THNSL1: variants seen among roughly 807,000 people sequenced by gnomAD.
The protein encoded by THNSL1 is threonine synthase like 1, also known as threonine synthase-like 1.
THNSL1 carries 48 observed loss-of-function variants against 50.4 expected under a neutral mutation model. The ratio of observed to expected loss-of-function variants is 0.95; its 90% CI spans 0.76 to 1.21. The LOEUF is 1.21. THNSL1 is among the 50% of genes most tolerant of loss of function. The pLI, the probability that THNSL1 is intolerant of heterozygous loss-of-function variation, is 0.00. For missense variants in THNSL1, 896 were observed against 871.7 expected (o/e 1.03, Z -0.35); for synonymous variants, 309 against 306.1 (o/e 1.01, Z -0.10).
the THNSL1 span, among the ~76,000 whole-genome samples, chr10:24,959,827 A>G: frequency 6.6e-6 from 1 of 152,346 alleles, no homozygotes; most frequent in Admixed American, 6.5e-5. Context: ...CACTAAAAGG[A>G]CTAAATATTT....
chr10:25,000,509 G>A, the THNSL1 span, among the ~76,000 whole-genome samples: 1 of 152,070 alleles, frequency 6.6e-6, no homozygotes, highest in Non-Finnish European at 1.5e-5. Context: ...TAGGTGCATA[G>A]CATTTAGGAT....
the THNSL1 span, among the ~76,000 whole-genome samples, chr10:25,009,889 G>A: frequency 4.6e-5 from 7 of 152,266 alleles, no homozygotes; most frequent in Admixed American, 3.9e-4. Context: ...CCAGCCATGT[G>A]GAACTGCGAG....
At chr10:24,959,656 A>G in the THNSL1 span, among the ~76,000 whole-genome samples, 11 of 152,204 alleles carry the variant, frequency 7.2e-5, no homozygotes, top group South Asian at 2.1e-4. Context: ...TGCAAAATGC[A>G]ATGTAATGCA....
the THNSL1 span, among the ~76,000 whole-genome samples, chr10:24,987,212 A>C: frequency 3.3e-5 from 5 of 152,318 alleles, no homozygotes; most frequent in Admixed American, 3.3e-4. Flanking sequence ...CTGGATTCTG[A>C]CAACACTGCT....
rs888840091 is a variant in THNSL1 at position 25,016,698 on chromosome 10, G to C, written c.-216+6G>C. On this transcript the variant is annotated splice_donor_region_variant and intron_variant, in intron 1 of 2. Transcript: ENST00000376356. ...GACCGGGGAGCTAGCTGCAGGTACG[G>C]TGCTCCGTCTCCTGTGGAGGCTTTA... The C allele has an allele frequency of 2.0e-5, 3 of 152,392 alleles. No homozygotes were observed. The highest frequency in any genetic ancestry group is 7.2e-5 in the African/African-American group (3 of 41,478). The allele number at this position is 152,392 out of a possible 1,614,324, so 9.4% of individuals were successfully genotyped here. A position where few individuals can be genotyped will look rare whatever the true frequency, so the allele number is the denominator to read the frequency against.
At chr10:24,962,759 C>T in the THNSL1 span, among the ~76,000 whole-genome samples, 1 of 152,186 alleles carries the variant, frequency 6.6e-6, no homozygotes, top group African/African-American at 2.4e-5. Context: ...AGATTCTCTT[C>T]TGCGTCTTAG....
the THNSL1 span, among the ~76,000 whole-genome samples, chr10:24,991,654 T>C: frequency 1.3e-5 from 2 of 152,156 alleles, no homozygotes; most frequent in Admixed American, 1.3e-4. Context: ...GGCTCTCCCA[T>C]CTGCTGAAGC....
the THNSL1 span, chr10:24,982,613 C>T: frequency 1.3e-5 from 2 of 152,138 alleles, no homozygotes; most frequent in Admixed American, 6.5e-5. Flanking sequence ...GTCAGCTGTC[C>T]AAGTCAGATG....
chr10:24,988,698 A>G, the THNSL1 span, among the ~76,000 whole-genome samples: 336 of 35,016 alleles, frequency 9.6e-3, 18 homozygotes, highest in African/African-American at 0.04. Context: ...ATATATATAT[A>G]TATATATATA....
At position 25,024,254 on chromosome 10, in the gene THNSL1, A is replaced by G. The variant is rs2132761389; in HGVS notation, c.1031A>G (p.His344Arg). Reference sequence around the variant, plus strand: ...AACCAGTTCATCCTGGAGTTGTTTCATGGACCAACAGGATCATTTAAAGAT... The same window carrying G: ...AACCAGTTCATCCTGGAGTTGTTTCGTGGACCAACAGGATCATTTAAAGAT... ...SGNQFILELFHGPTGSFKDLS... is the reference protein window; with the variant it reads ...SGNQFILELFRGPTGSFKDLS... Residue 344 changes from histidine to arginine, a missense_variant, in exon 3 of 3, where the codon CAT becomes CGT. By Grantham distance (29) the His-to-Arg change is conservative. Transcript: ENST00000376356. The G allele has an allele frequency of 4.3e-6, 7 of 1,614,220 alleles. No homozygotes were observed. Among genetic ancestry groups the G allele is most frequent in the South Asian group, 1.1e-5 (1 of 91,084 alleles).
In THNSL1 at chr10:25,023,974, T is replaced by C. The variant is rs1273819028; in HGVS notation, c.751T>C (p.Phe251Leu). Residue 251 changes from phenylalanine (F) to leucine (L), a missense_variant, in exon 3 of 3, where the codon TTT becomes CTT. By Grantham distance (22) the Phe-to-Leu change is conservative (BLOSUM62 0). Transcript: ENST00000376356. ...DCEQKVSAKF[F>L]SEAVIEGLAS... ...TGAACAGAAGGTTTCAGCAAAATTC[T>C]TTAGTGAAGCTGTAATTGAGGGGTT... 1 of 1,614,082 alleles carries C rather than the reference T, an allele frequency of 6.2e-7. No individual in the cohort carries two copies. Among genetic ancestry groups the C allele is most frequent in the Non-Finnish European group, 8.5e-7 (1 of 1,180,020 alleles).
the THNSL1 span, among the ~76,000 whole-genome samples, chr10:24,992,343 A>C: frequency 3.3e-5 from 5 of 152,208 alleles, no homozygotes; most frequent in Non-Finnish European, 7.3e-5. Context: ...TAGATAAATA[A>C]GGAGGTCGGG....
chr10:24,966,682 G>A, the THNSL1 span, among the ~76,000 whole-genome samples: 1 of 152,150 alleles, frequency 6.6e-6, no homozygotes, highest in Non-Finnish European at 1.5e-5. Context: ...TTAGGCATCT[G>A]AGTATATTCC....
chr10:25,019,354 G>C (rs1199451742), intron 1 of THNSL1, among the ~76,000 whole-genome samples: 1 of 152,110 alleles, frequency 6.6e-6, no homozygotes. Flanking sequence ...CGTGCCTTTA[G>C]TCCCAGCTAC....
At chr10:24,972,507 C>CAAAAA in the THNSL1 span, among the ~76,000 whole-genome samples, 1,486 of 133,100 alleles carry the variant, frequency 0.011, 15 homozygotes, top group African/African-American at 0.03. Flanking sequence ...GACTCTGTCT[C>CAAAAA]AAAAAAAAAA....
chr10:25,023,608 A>C lies in THNSL1; in HGVS notation c.385A>C (p.Ile129Leu), dbSNP rs35746529. The change falls in exon 3 of 3, where the codon ATT (isoleucine) becomes CTT (leucine). Residue 129 changes from isoleucine (I) to leucine (L), a missense_variant. Ile to Leu is a conservative substitution (Grantham distance 5). Coordinates refer to ENST00000376356, the MANE Select transcript of THNSL1 (RefSeq NM_024838.5). ...VLNFSASGSV[I>L]SLTGSNPMHD... ...AAACTTCTCTGCATCTGGAAGTGTG[A>C]TTTCCCTTACTGGGTCCAATCCAAT... is the stretch of plus-strand genomic sequence containing the variant. 72 of 1,614,034 alleles carry C rather than the reference A, an allele frequency of 4.5e-5. No homozygotes were observed. The highest frequency in any genetic ancestry group is 5.8e-5 in the Non-Finnish European group (68 of 1,180,028).
At chr10:24,989,109 A>AT in the THNSL1 span, among the ~76,000 whole-genome samples, 8 of 152,190 alleles carry the variant, frequency 5.3e-5, 1 homozygote, top group Non-Finnish European at 1.0e-4. Flanking sequence ...TCATATTCTT[A>AT]TTTTTCAGCA....
At chr10:24,955,736 G>A in the THNSL1 span, among the ~76,000 whole-genome samples, 1 of 152,114 alleles carries the variant, frequency 6.6e-6, no homozygotes, top group Non-Finnish European at 1.5e-5. Flanking sequence ...CTTGAGGCCA[G>A]GAATTCAAGA....
upstream of THNSL1, among the ~76,000 whole-genome samples, chr10:25,012,298 A>C (rs1194734185): frequency 1.3e-5 from 2 of 152,230 alleles, no homozygotes; most frequent in African/African-American, 2.4e-5. Flanking sequence ...GGAGCCCCCC[A>C]CACAGAATTC....
Sources: gnomAD v4.1 joint callset for allele counts (sites outside exome capture counted in the v4.1 genomes callset) on GRCh38, gnomAD v4.1.1 for gene constraint, MANE v1.5 for transcripts, NCBI Gene and HGNC (gene_info 2026-07-23, HGNC 2026-07-21) for gene names.